XIRP2: variants seen among roughly 807,000 people sequenced by gnomAD.
XIRP2 encodes xin actin-binding repeat-containing protein 2.
XIRP2 carries 236 observed loss-of-function variants against 277.0 expected under a neutral mutation model. The observed-to-expected ratio is 0.85, with a 90% CI of 0.77 to 0.95. The LOEUF is 0.95. Ranked by LOEUF, XIRP2 falls within the 40% of genes least tolerant of loss-of-function variation. The pLI is 0.00. For synonymous variants in XIRP2, 1,490 were observed against 1,416.5 expected, an observed-to-expected ratio of 1.05 and a Z score of -1.17; for missense variants, 4,640 against 4,157.5, an observed-to-expected ratio of 1.12 and a Z score of -3.19.
intron 1 of XIRP2, among the ~76,000 whole-genome samples, chr2:166,890,681 A>G (rs944036514): frequency 6.6e-6 from 1 of 152,202 alleles, no homozygotes; most frequent in Non-Finnish European, 1.5e-5. Context: ...TGGGTGTAGC[A>G]GAAGCTGATA....
intron 3 of XIRP2, among the ~76,000 whole-genome samples, chr2:167,201,192 A>G (rs200008051): frequency 0.034 from 311 of 9,190 alleles, 2 homozygotes; most frequent in Admixed American, 0.054. Flanking sequence ...GAGAGAGAGA[A>G]AGAAAGAAAG....
At chr2:167,197,354 G>T (rs1040105334) in intron 3 of XIRP2, among the ~76,000 whole-genome samples, 1 of 152,138 alleles carries the variant, frequency 6.6e-6, no homozygotes, top group Non-Finnish European at 1.5e-5. Context: ...GAAAAGACAA[G>T]CATTAACTTT....
intron 2 of XIRP2, among the ~76,000 whole-genome samples, chr2:167,040,785 C>T (rs961745183): frequency 1.3e-5 from 2 of 152,170 alleles, no homozygotes; most frequent in African/African-American, 4.8e-5. Context: ...CACCTGCAGA[C>T]CCTAGGTAAA....
chr2:167,218,202 G>T lies in XIRP2; in HGVS notation c.760G>T (p.Gly254Cys). 6.2e-7 allele frequency: 1 copy of T among 1,606,028 alleles called. No individual in the cohort carries two copies. The highest frequency in any genetic ancestry group is 8.5e-7 in the Non-Finnish European group (1 of 1,176,744). Residue 254 changes from glycine to cysteine, a missense_variant, in exon 5 of 11, where the codon GGT (glycine) becomes TGT (cysteine). By Grantham distance (159) the Gly-to-Cys change is radical. Coordinates refer to ENST00000409195, the MANE Select transcript of XIRP2 (RefSeq NM_152381.6). ...EESEMCAVPGGLAKVKKQFED... is the reference protein window; with the variant it reads ...EESEMCAVPGCLAKVKKQFED... The stretch of plus-strand genomic sequence containing the variant: ...ATCAGAAATGTGCGCAGTGCCTGGT[G>T]GTTTGGCCAAGGTGAAGAAACAATT...
intron 2 of XIRP2, among the ~76,000 whole-genome samples, chr2:167,102,525 G>A (rs771325358): frequency 6.6e-6 from 1 of 152,152 alleles, no homozygotes; most frequent in Non-Finnish European, 1.5e-5. Context: ...CACCCTCTGG[G>A]AGAAAAGGAC....
intron 2 of XIRP2, among the ~76,000 whole-genome samples, chr2:167,098,779 T>C (rs1396900803): frequency 6.6e-6 from 1 of 152,218 alleles, no homozygotes; most frequent in Non-Finnish European, 1.5e-5. Context: ...GTTTGTTAGT[T>C]TTCCTTCTAA....
intron 2 of XIRP2, among the ~76,000 whole-genome samples, chr2:166,987,781 T>C (rs774264568): frequency 2.0e-5 from 3 of 152,166 alleles, no homozygotes; most frequent in Non-Finnish European, 4.4e-5. Context: ...TTGAAGGAGT[T>C]CTCAATGTTC....
Position 167,246,323 on chromosome 2 carries a change from C to T in XIRP2, c.4931C>T (p.Ser1644Leu). Reference protein sequence around the residue: ...NLTKTQLLNRSTEFHAEKEEI... With the variant: ...NLTKTQLLNRLTEFHAEKEEI... Reference sequence around the variant, plus strand: ...ACTAAAACTCAATTATTAAACAGATCAACTGAATTTCATGCTGAAAAAGAA... The same window carrying T: ...ACTAAAACTCAATTATTAAACAGATTAACTGAATTTCATGCTGAAAAAGAA... Residue 1644 changes from serine (S) to leucine (L), a missense_variant, in exon 9 of 11, where the codon TCA becomes TTA. Coordinates refer to ENST00000409195, the MANE Select transcript of XIRP2 (RefSeq NM_152381.6). 2 of 1,612,674 alleles carry T rather than the reference C, an allele frequency of 1.2e-6. No homozygotes were observed. The highest frequency in any genetic ancestry group is 2.7e-5 in the African/African-American group (2 of 74,866).
In XIRP2 at chr2:167,259,311, T is replaced by A; in HGVS notation, c.*1494T>A. 1.2e-6 allele frequency: 2 copies of A among 1,612,496 alleles called. No homozygotes were observed. The highest frequency in any genetic ancestry group is 1.7e-6 in the Non-Finnish European group (2 of 1,179,396). ...AGAGTGGAGGTGCAGTCAGAACAAC[T>A]CACGGTGGAAGAGCAGATTAAAAGA... On this transcript the variant is annotated 3_prime_UTR_variant, in exon 11 of 11. Transcript: ENST00000409195.
Position 167,243,442 on chromosome 2 carries a change from A to T in XIRP2, c.2050A>T (p.Ile684Leu). 1 of 1,614,096 alleles carries T rather than the reference A, an allele frequency of 6.2e-7. No individual in the cohort carries two copies. Among genetic ancestry groups the T allele is most frequent in the Non-Finnish European group, 8.5e-7 (1 of 1,179,976 alleles). ...EESAVTISKD[I>L]TGGDVKTVRY... ...ATCAGCGGTAACTATCAGTAAGGAC[A>T]TAACTGGGGGGGATGTCAAGACTGT... The change falls in exon 9 of 11, where the codon ATA becomes TTA. Residue 684 changes from isoleucine to leucine, a missense_variant. Ile to Leu is a conservative substitution (Grantham distance 5, BLOSUM62 2). Transcript: ENST00000409195.
At chr2:167,140,238 C>T (rs1161843865) in intron 3 of XIRP2, among the ~76,000 whole-genome samples, 13 of 152,186 alleles carry the variant, frequency 8.5e-5, no homozygotes, top group Non-Finnish European at 7.4e-5. Flanking sequence ...AACAGAAATA[C>T]TACTGTGAGG....
intron 2 of XIRP2, among the ~76,000 whole-genome samples, chr2:167,135,257 G>A (rs536420456): frequency 3.3e-5 from 5 of 152,030 alleles, no homozygotes; most frequent in Non-Finnish European, 4.4e-5. Context: ...ATACAATAAG[G>A]AATCTGTATA....
At chr2:166,931,512 C>T (rs1256243928) in intron 2 of XIRP2, among the ~76,000 whole-genome samples, 1 of 152,114 alleles carries the variant, frequency 6.6e-6, no homozygotes, top group African/African-American at 2.4e-5. Context: ...TTGAGTCATA[C>T]AGTATATTAA....
rs372626506 is a variant in XIRP2 at position 166,903,680 on chromosome 2, A to G, written c.198A>G (p.Thr66=). 33 of 1,613,540 alleles carry G rather than the reference A, an allele frequency of 2.0e-5. No individual in the cohort carries two copies. The highest frequency in any genetic ancestry group is 2.7e-5 in the Non-Finnish European group (32 of 1,179,770). The part of the protein sequence containing the change: ...SLDPTSLPYS[T]GEEMWSSKPE... ...ATCCCACAAGTCTGCCCTACAGTAC[A>G]GGGGAAGAGATGTGGAGTTCGAAGC... The change falls in exon 2 of 11, where the codon ACA becomes ACG. Residue 66 remains threonine, a synonymous_variant. Coordinates refer to ENST00000409195, the MANE Select transcript of XIRP2 (RefSeq NM_152381.6).
rs1320786066 is a variant in XIRP2, at chr2:167,231,643, A to G, written c.859-8212A>G. Reference sequence around the variant, plus strand: ...GTCGAACCAGCCACCACTAACAGAAACTGCAAATACCATACACTCACTCTC... The same window carrying G: ...GTCGAACCAGCCACCACTAACAGAAGCTGCAAATACCATACACTCACTCTC... On this transcript the variant is annotated intron_variant, in intron 5 of 10. Coordinates refer to ENST00000409195, the MANE Select transcript of XIRP2 (RefSeq NM_152381.6). Among the ~76,000 whole-genome samples, 5 of 151,736 alleles carry G rather than the reference A, an allele frequency of 3.3e-5. No individual in the cohort carries two copies. In the East Asian group the frequency reaches 9.7e-4, roughly 29 times the overall value.
intron 2 of XIRP2, among the ~76,000 whole-genome samples, chr2:167,088,431 G>C (rs1054785919): frequency 1.3e-5 from 2 of 152,082 alleles, no homozygotes; most frequent in African/African-American, 4.8e-5. Flanking sequence ...GGACAGCTGT[G>C]TGACACTTCA....
chr2:167,052,817 A>T (rs142990940), intron 2 of XIRP2, among the ~76,000 whole-genome samples: 4 of 152,346 alleles, frequency 2.6e-5, no homozygotes, highest in African/African-American at 9.6e-5. Flanking sequence ...TGACACCTAG[A>T]TGACCTGATT....
intron 2 of XIRP2, among the ~76,000 whole-genome samples, chr2:167,022,338 C>T (rs1214671303): frequency 1.3e-5 from 2 of 152,016 alleles, no homozygotes; most frequent in Non-Finnish European, 2.9e-5. Flanking sequence ...TTATGCAATA[C>T]ATGCTAAAGA....
At chr2:166,987,835 C>A (rs1234239777) in intron 2 of XIRP2, among the ~76,000 whole-genome samples, 1 of 152,090 alleles carries the variant, frequency 6.6e-6, no homozygotes, top group Non-Finnish European at 1.5e-5. Context: ...ACAATAGTAA[C>A]AGATTGTAGC....
Sources: gnomAD v4.1 joint callset for allele counts (sites outside exome capture counted in the v4.1 genomes callset) on GRCh38, gnomAD v4.1.1 for gene constraint, MANE v1.5 for transcripts, NCBI Gene and HGNC (gene_info 2026-07-23, HGNC 2026-07-21) for gene names.